Variants in RFX3 observed in about 807,000 individuals in gnomAD.
RFX3 encodes regulatory factor X3, also known as transcription factor RFX3.
In RFX3, 14 loss-of-function variants were observed where a neutral mutation model predicts 98.6. That is an observed-to-expected ratio of 0.14 (90% CI 0.09 to 0.22). The LOEUF is 0.22. Ranked by LOEUF, RFX3 falls within the 10% of genes least tolerant of loss-of-function variation. RFX3 has a pLI of 1.00. For missense variants in RFX3, 639 were observed against 926.9 expected (o/e 0.69, Z 4.03); for synonymous variants, 383 against 328.4 (o/e 1.17, Z -1.80).
chr9:3,453,541 C>A, intron 1 of RFX3: 1 of 152,144 alleles, frequency 6.6e-6, no homozygotes, highest in Non-Finnish European at 1.5e-5. Flanking sequence ...GAAACCCTGT[C>A]TCTACTAAAA....
At chr9:3,298,628 C>A (rs954713203) in intron 5 of RFX3, among the ~76,000 whole-genome samples, 1 of 151,756 alleles carries the variant, frequency 6.6e-6, no homozygotes, top group African/African-American at 2.4e-5. Context: ...ATTAGAGATG[C>A]TGGTACTAAA....
chr9:3,494,811 G>T (rs1374231443), intron 1 of RFX3, among the ~76,000 whole-genome samples: 1 of 151,964 alleles, frequency 6.6e-6, no homozygotes, highest in Admixed American at 6.6e-5. Context: ...CACTCAATCT[G>T]CTGTTTTGTC....
intron 1 of RFX3, among the ~76,000 whole-genome samples, chr9:3,498,305 G>C (rs1564176316): frequency 6.6e-6 from 1 of 151,856 alleles, no homozygotes; most frequent in East Asian, 1.9e-4. Flanking sequence ...CTACTTATTA[G>C]TTCTTAATTT....
At chr9:3,298,326 C>T (rs1178725682) in intron 5 of RFX3, among the ~76,000 whole-genome samples, 2 of 151,692 alleles carry the variant, frequency 1.3e-5, no homozygotes, top group South Asian at 4.1e-4. Context: ...AAGAAGACCA[C>T]CCTTTACCAA....
chr9:3,346,850 G>A (rs780117000), intron 2 of RFX3, 86 bp from the exon 3 acceptor site: 25 of 782,224 alleles, frequency 3.2e-5, no homozygotes, highest in South Asian at 9.1e-5. Context: ...AGGTTTATCC[G>A]GTATTATTGA....
intron 1 of RFX3, among the ~76,000 whole-genome samples, chr9:3,406,374 G>C (rs13298908): frequency 0.2 from 30,662 of 151,568 alleles, 5,149 homozygotes; most frequent in African/African-American, 0.46. Context: ...CTACTTTCCC[G>C]TGATAGCTTC....
intron 1 of RFX3, among the ~76,000 whole-genome samples, chr9:3,446,635 T>G (rs1300852983): frequency 6.6e-6 from 1 of 152,072 alleles, no homozygotes; most frequent in Non-Finnish European, 1.5e-5. Context: ...TCTCACCATT[T>G]AAAATTTCAG....
chr9:3,307,724 T>C (rs1435100683), intron 4 of RFX3, among the ~76,000 whole-genome samples: 1 of 152,152 alleles, frequency 6.6e-6, no homozygotes, highest in Admixed American at 6.5e-5. Context: ...CTCTGCCGCA[T>C]AGTCTTTATT....
intron 1 of RFX3, among the ~76,000 whole-genome samples, chr9:3,426,267 TA>T (rs1844016888): frequency 6.6e-6 from 1 of 152,162 alleles, no homozygotes; most frequent in Non-Finnish European, 1.5e-5. Flanking sequence ...TTTCAATACA[TA>T]TAATGTATGA....
chr9:3,486,162 C>G (rs980525167), intron 1 of RFX3, among the ~76,000 whole-genome samples: 1 of 131,130 alleles, frequency 7.6e-6, no homozygotes, highest in Non-Finnish European at 1.6e-5. Context: ...AAGAATAATA[C>G]AGATATTATT....
intron 1 of RFX3, among the ~76,000 whole-genome samples, chr9:3,496,085 T>C (rs1240626523): frequency 2.0e-5 from 3 of 152,156 alleles, no homozygotes; most frequent in South Asian, 2.1e-4. Context: ...TTCTCTTATA[T>C]CAACATTGTA....
chr9:3,496,178 T>C (rs947921314), intron 1 of RFX3, among the ~76,000 whole-genome samples: 1 of 152,002 alleles, frequency 6.6e-6, no homozygotes, highest in African/African-American at 2.4e-5. Flanking sequence ...AGACAGGCTA[T>C]TTAATACGAG....
rs549824369 is a variant in RFX3, at chr9:3,357,237, T to C, written c.118-10473A>G. Among the ~76,000 whole-genome samples, 478 of 152,126 alleles carry C rather than the reference T, an allele frequency of 3.1e-3. 1 individual carries two copies. The highest frequency in any genetic ancestry group is 5.2e-3 in the Non-Finnish European group (351 of 67,938). ...TAATATGTAAACCTTGATGGATATTTTCAAACATAGCCTCTCCGCTCCTTT... is the reference window on the plus strand; with the variant it reads ...TAATATGTAAACCTTGATGGATATTCTCAAACATAGCCTCTCCGCTCCTTT... On this transcript the variant is annotated intron_variant, in intron 2 of 16. Transcript: ENST00000617270.
intron 1 of RFX3, among the ~76,000 whole-genome samples, chr9:3,464,040 G>A (rs79738367): frequency 0.02 from 2,989 of 152,180 alleles, 101 homozygotes; most frequent in African/African-American, 0.068. Context: ...ATGAAAAAAT[G>A]TTCAAAAAAT....
intron 1 of RFX3, among the ~76,000 whole-genome samples, chr9:3,430,492 G>A (rs1844556471): frequency 6.6e-6 from 1 of 152,106 alleles, no homozygotes; most frequent in African/African-American, 2.4e-5. Flanking sequence ...ATGAACATTT[G>A]TGCCTCAAAG....
intron 1 of RFX3, among the ~76,000 whole-genome samples, chr9:3,504,921 C>CTTATATA (rs1816712851): frequency 2.8e-4 from 6 of 21,430 alleles, no homozygotes; most frequent in Non-Finnish European, 2.5e-4. Flanking sequence ...TATAATATAA[C>CTTATATA]ATATATTATA....
intron 2 of RFX3, among the ~76,000 whole-genome samples, chr9:3,373,875 A>G (rs1371817267): frequency 1.3e-5 from 2 of 152,256 alleles, no homozygotes; most frequent in Non-Finnish European, 2.9e-5. Context: ...TCAGGAGATC[A>G]AGACCATCTT....
intron 1 of RFX3, among the ~76,000 whole-genome samples, chr9:3,497,351 G>A (rs1320309239): frequency 6.6e-6 from 1 of 151,952 alleles, no homozygotes; most frequent in Admixed American, 6.6e-5. Flanking sequence ...TTCTGAAAGT[G>A]ATGCCCAAAT....
chr9:3,261,289 G>C (rs1192302592), intron 13 of RFX3, among the ~76,000 whole-genome samples: 3 of 151,874 alleles, frequency 2.0e-5, no homozygotes, highest in African/African-American at 7.3e-5. Context: ...ACTCTTATTT[G>C]TTACCTCCCA....
Sources: gnomAD v4.1 joint callset for allele counts (sites outside exome capture counted in the v4.1 genomes callset) on GRCh38, gnomAD v4.1.1 for gene constraint, MANE v1.5 for transcripts, NCBI Gene and HGNC (gene_info 2026-07-23, HGNC 2026-07-21) for gene names.